The following OAS3 variants were observed in gnomAD, a reference collection of about 807,000 sequenced individuals.
OAS3 encodes the protein 2'-5'-oligoadenylate synthetase 3, also known as 2'-5'-oligoadenylate synthase 3.
Under a neutral mutation model 113.0 loss-of-function variants are expected in OAS3, and 107 were observed. The observed-to-expected ratio is 0.95, with a 90% CI of 0.81 to 1.11. The LOEUF is 1.11. OAS3 is among the 50% of genes most tolerant of loss of function. The pLI, the probability that OAS3 is intolerant of heterozygous loss-of-function variation, is 0.00. For synonymous variants in OAS3, 552 were observed against 573.6 expected (o/e 0.96, Z 0.54); for missense variants, 1,258 against 1,389.1 (o/e 0.91, Z 1.50).
In OAS3 at chr12:112,965,871, G is replaced by A. The variant is rs776228827; in HGVS notation, c.2531G>A (p.Arg844Gln). 3.0e-5 allele frequency: 48 copies of A among 1,613,592 alleles called. No individual in the cohort carries two copies. Among genetic ancestry groups the A allele is most frequent in the South Asian group, 1.5e-4 (14 of 90,984 alleles). The change falls in exon 12 of 16, where the codon CGA becomes CAA. Residue 844 changes from arginine to glutamine, a missense_variant. Coordinates refer to ENST00000228928, the MANE Select transcript of OAS3 (RefSeq NM_006187.4). ...NKRAEIISEIRAQLEACQQER... is the reference protein window; with the variant it reads ...NKRAEIISEIQAQLEACQQER... ...CGGGCCGAGATCATCTCCGAGATCCGAGCCCAGCTGGAGGCATGTCAACAG... is the reference window on the plus strand; with the variant it reads ...CGGGCCGAGATCATCTCCGAGATCCAAGCCCAGCTGGAGGCATGTCAACAG...
chr12:112,955,208 A>G (rs1314626793), intron 7 of OAS3, among the ~76,000 whole-genome samples: 1 of 152,246 alleles, frequency 6.6e-6, no homozygotes, highest in Non-Finnish European at 1.5e-5. Flanking sequence ...TTATCAGCTT[A>G]AGAACATTTT....
intron 12 of OAS3, 42 bp from the exon 13 acceptor site, chr12:112,967,376 A>C (rs1557866): frequency 0.71 from 1,113,730 of 1,568,302 alleles, 400,514 homozygotes; most frequent in African/African-American, 0.95. Flanking sequence ...CACTGGGACA[A>C]CATGGGAGCC....
chr12:112,940,001 A>C (rs1021030228), intron 1 of OAS3, among the ~76,000 whole-genome samples: 15 of 152,178 alleles, frequency 9.9e-5, no homozygotes, highest in Non-Finnish European at 2.2e-4. Flanking sequence ...ATTTCTGTGC[A>C]GCAAGGGAAA....
chr12:112,950,623 G>T, intron 6 of OAS3, 70 bp from the exon 7 acceptor site: 1 of 1,557,690 alleles, frequency 6.4e-7, no homozygotes, highest in Non-Finnish European at 8.7e-7. Flanking sequence ...TGGGGCGCAG[G>T]TGATGGGATC....
In OAS3 at chr12:112,962,847, A is replaced by G; in HGVS notation, c.2029A>G (p.Ser677Gly). Reference sequence around the variant, plus strand: ...CTGTGTCTACTGGACGGTCAACTATAGCACTGAGGACCCAGCCATGAGAAT... The same window carrying G: ...CTGTGTCTACTGGACGGTCAACTATGGCACTGAGGACCCAGCCATGAGAAT... Reference protein sequence around the residue: ...QLCVYWTVNYSTEDPAMRMHL... With the variant: ...QLCVYWTVNYGTEDPAMRMHL... The change falls in exon 9 of 16, where the codon AGC becomes GGC. Residue 677 changes from serine to glycine, a missense_variant. Transcript: ENST00000228928. 15 of 1,614,012 alleles carry G rather than the reference A, an allele frequency of 9.3e-6. No homozygotes were observed. The highest frequency in any genetic ancestry group is 1.3e-5 in the Non-Finnish European group (15 of 1,179,890).
At chr12:112,942,140 T>C (rs1010686137) in intron 2 of OAS3, 7 of 567,944 alleles carry the variant, frequency 1.2e-5, no homozygotes, top group Non-Finnish European at 2.2e-5. Flanking sequence ...GCTCAGCCCT[T>C]CCACAAATAC....
At position 112,969,655 on chromosome 12, in the gene OAS3, A is replaced by G. The variant is rs2043966236; in HGVS notation, c.3152A>G (p.Asn1051Ser). Residue 1051 changes from asparagine (N) to serine (S), a missense_variant, in exon 15 of 16, where the codon AAT becomes AGT. Transcript: ENST00000228928. ...GACCCGACAGGCAACCTGGGCCACA[A>G]TGCCCGCTGGGACCTGCTGGCCAAG... is the stretch of plus-strand genomic sequence containing the variant. The part of the protein sequence containing the change: ...PADPTGNLGH[N>S]ARWDLLAKEA... 2.5e-6 allele frequency: 4 copies of G among 1,608,530 alleles called. No individual in the cohort carries two copies. The highest frequency in any genetic ancestry group is 1.6e-4 in the Middle Eastern group (1 of 6,068).
rs1329443059 is a variant in OAS3 at position 112,963,462 on chromosome 12, G to T, written c.2229+5G>T. On this transcript the variant is annotated splice_donor_5th_base_variant and intron_variant, in intron 10 of 15. Coordinates refer to ENST00000228928, the MANE Select transcript of OAS3 (RefSeq NM_006187.4). The surrounding 1 kb of genome is among the most constrained non-coding windows in gnomAD (Gnocchi z 4.6). ...GTGCAGCCCTGGGATGTGATGGTAA[G>T]ATGGAGGGTCCTGGGGGGCAGGGGG... is the stretch of plus-strand genomic sequence containing the variant. 6.5e-6 allele frequency: 10 copies of T among 1,537,300 alleles called. No individual in the cohort carries two copies. In the East Asian group the frequency reaches 2.5e-4, roughly 38 times the overall value.
intron 6 of OAS3, 23 bp downstream of exon 6, chr12:112,949,228 C>G: frequency 6.5e-7 from 1 of 1,538,650 alleles, no homozygotes; most frequent in Non-Finnish European, 8.7e-7. Context: ...AGTGGAGACA[C>G]AGGGGGGACC....
chr12:112,943,023 C>T (rs1036579813), intron 2 of OAS3, among the ~76,000 whole-genome samples: 5 of 151,780 alleles, frequency 3.3e-5, no homozygotes, highest in Admixed American at 3.3e-4. Flanking sequence ...CTGCAACCTC[C>T]GTCCTGGGTT....
chr12:112,938,744 G>GGCAAAGA (rs2136340978), intron 1 of OAS3, 37 bp downstream of exon 1: 5 of 1,450,758 alleles, frequency 3.4e-6, no homozygotes, highest in South Asian at 1.4e-5. Flanking sequence ...GTGTCCAAAG[G>GGCAAAGA]GGAGTCCTGG....
At chr12:112,956,431 G>A (rs941108083) in intron 7 of OAS3, among the ~76,000 whole-genome samples, 4 of 151,784 alleles carry the variant, frequency 2.6e-5, no homozygotes, top group Admixed American at 2.6e-4. Context: ...GTGATGTTAG[G>A]GTGTCAATTT....
Position 112,950,978 on chromosome 12 carries a change from G to T in OAS3, c.1657+3G>T. 1.9e-6 allele frequency: 3 copies of T among 1,611,636 alleles called. No individual in the cohort carries two copies. The highest frequency in any genetic ancestry group is 2.5e-6 in the Non-Finnish European group (3 of 1,178,792). On this transcript the variant is annotated splice_donor_region_variant and intron_variant, in intron 7 of 15. Transcript: ENST00000228928. ...GCTGCCTGCCTTCGATGCTGTGGGTGAGGGCGCCCAGCCTGTCCCTTGGAG... is the reference window on the plus strand; with the variant it reads ...GCTGCCTGCCTTCGATGCTGTGGGTTAGGGCGCCCAGCCTGTCCCTTGGAG...
rs766559361 is a variant in OAS3, at chr12:112,967,458, C to T, written c.2730C>T (p.Tyr910=). The change falls in exon 13 of 16, where the codon TAC becomes TAT. Residue 910 remains tyrosine (Y), a synonymous_variant. Transcript: ENST00000228928. ...GCTCCAGGCCCAGCTCTCAAGTCTACGTCGACCTCATCCACAGCTACAGCA... is the reference window on the plus strand; with the variant it reads ...GCTCCAGGCCCAGCTCTCAAGTCTATGTCGACCTCATCCACAGCTACAGCA... The part of the protein sequence containing the change: ...VSGSRPSSQV[Y]VDLIHSYSNA... 53 of 1,613,350 alleles carry T rather than the reference C, an allele frequency of 3.3e-5. No individual in the cohort carries two copies. Among genetic ancestry groups the T allele is most frequent in the Middle Eastern group, 3.3e-4 (2 of 6,082 alleles).
chr12:112,950,692 G>C lies in OAS3; in HGVS notation c.1375-1G>C. Reference sequence around the variant, plus strand: ...GATCTGAGCTGTTCTTCCCTCCACAGGGGGGCTCATTTGGCCGGGGCACAG... The same window carrying C: ...GATCTGAGCTGTTCTTCCCTCCACACGGGGGCTCATTTGGCCGGGGCACAG... On this transcript the variant is annotated splice_acceptor_variant, in intron 6 of 15. Coordinates refer to ENST00000228928, the MANE Select transcript of OAS3 (RefSeq NM_006187.4). LOFTEE classifies it high-confidence loss of function. The C allele has an allele frequency of 6.2e-7, 1 of 1,613,866 alleles. No individual in the cohort carries two copies.
At chr12:112,946,290 T>A (rs1156726842) in intron 3 of OAS3, among the ~76,000 whole-genome samples, 1 of 152,048 alleles carries the variant, frequency 6.6e-6, no homozygotes, top group African/African-American at 2.4e-5. Flanking sequence ...ATAGAAATCA[T>A]GCATTTTGGG....
Position 112,964,383 on chromosome 12 carries a change from C to G in OAS3, c.2378C>G (p.Pro793Arg). The G allele has an allele frequency of 6.2e-7, 1 of 1,612,276 alleles. No homozygotes were observed. Among genetic ancestry groups the G allele is most frequent in the South Asian group, 1.1e-5 (1 of 90,396 alleles). Reference protein sequence around the residue: ...FLKENCFRNSPIKVIKVVKGG... With the variant: ...FLKENCFRNSRIKVIKVVKGG... ...AAGGAAAACTGCTTCCGGAATTCTCCCATCAAAGTGATCAAGGTGGTCAAG... is the reference window on the plus strand; with the variant it reads ...AAGGAAAACTGCTTCCGGAATTCTCGCATCAAAGTGATCAAGGTGGTCAAG... The change falls in exon 11 of 16, where the codon CCC (proline) becomes CGC (arginine). Residue 793 changes from proline to arginine, a missense_variant. Coordinates refer to ENST00000228928, the MANE Select transcript of OAS3 (RefSeq NM_006187.4).
At chr12:112,955,188 C>T (rs974439116) in intron 7 of OAS3, among the ~76,000 whole-genome samples, 6 of 152,214 alleles carry the variant, frequency 3.9e-5, no homozygotes, top group Admixed American at 1.3e-4. Context: ...TGAGACTTTG[C>T]TGAAGTTGCT....
In OAS3 at chr12:112,941,593, AG is replaced by A; in HGVS notation, c.202del (p.Ala68LeufsTer49). 1 of 1,613,360 alleles carries A rather than the reference AG, an allele frequency of 6.2e-7. No homozygotes were observed. The highest frequency in any genetic ancestry group is 8.5e-7 in the Non-Finnish European group (1 of 1,179,324). On this transcript the variant is annotated frameshift_variant, in exon 2 of 16. Transcript: ENST00000228928. LOFTEE classifies it high-confidence loss of function. ...AGGGAGGCTCCTCGGGCCGGGGCAC[AG>A]CTCTCAAGGGTGGCTGTGATTCTGA... ...VKGGSSGRGTALKGGCDSELV... is the reference protein window; with the variant it reads ...VKGGSSGRGTXLKGGCDSELV...
Sources: gnomAD v4.1 joint callset for allele counts (sites outside exome capture counted in the v4.1 genomes callset) on GRCh38, gnomAD v4.1.1 for gene constraint, Gnocchi (gnomAD v3.1) non-coding constraint, MANE v1.5 for transcripts, NCBI Gene and HGNC (gene_info 2026-07-23, HGNC 2026-07-21) for gene names.